HOMER2: variants seen among roughly 807,000 people sequenced by gnomAD.
HOMER2 encodes homer scaffold protein 2.
HOMER2 carries 27 observed loss-of-function variants against 47.0 expected under a neutral mutation model. The ratio of observed to expected loss-of-function variants is 0.57; its 90% CI spans 0.42 to 0.79. The LOEUF (loss-of-function observed/expected upper bound fraction) is 0.79, where lower values mean the gene tolerates loss of function less well. HOMER2 is among the 30% of genes least tolerant of loss of function. HOMER2 has a pLI of 0.00. For synonymous variants in HOMER2, 161 were observed against 163.8 expected (o/e 0.98, Z 0.13); for missense variants, 443 against 435.0 (o/e 1.02, Z -0.16).
intron 2 of HOMER2, among the ~76,000 whole-genome samples, chr15:82,891,330 G>A (rs2052698021): frequency 1.3e-5 from 2 of 152,246 alleles, no homozygotes; most frequent in South Asian, 4.1e-4. Context: ...GGACTTCTGG[G>A]GTCCCTTCCT....
intron 4 of HOMER2, among the ~76,000 whole-genome samples, chr15:82,860,003 T>TGC (rs1379617173): frequency 2.2e-4 from 33 of 151,976 alleles, no homozygotes; most frequent in Non-Finnish European, 3.7e-4. Context: ...ATCCCAGCAC[T>TGC]TTGGGAGGCT....
intron 6 of HOMER2, among the ~76,000 whole-genome samples, chr15:82,853,724 A>C (rs1348053054): frequency 6.6e-6 from 1 of 152,184 alleles, no homozygotes; most frequent in Admixed American, 6.5e-5. Context: ...AAAGCACCTT[A>C]TGAACTAGAG....
intron 1 of HOMER2, among the ~76,000 whole-genome samples, chr15:82,908,561 G>A (rs904914424): frequency 2.6e-5 from 4 of 152,080 alleles, no homozygotes; most frequent in African/African-American, 9.7e-5. Flanking sequence ...CAACCCATCT[G>A]CTTTTTGTTC....
chr15:82,892,632 T>A lies in HOMER2; in HGVS notation c.162+53A>T, dbSNP rs2052749272. ...AAGACGGCAGGATTTTGGGTGCATC[T>A]TGGATGAAAGATAAGCAACTGGGAG... On this transcript the variant is annotated intron_variant, in intron 2 of 8. Transcript: ENST00000450735. The A allele has an allele frequency of 6.4e-6, 9 of 1,397,392 alleles. No individual in the cohort carries two copies. The South Asian group carries it at 1.7e-4, about 27-fold the overall frequency. The allele number at this position is 1,397,392 out of a possible 1,614,324, so 86.6% of individuals were successfully genotyped here.
chr15:82,868,541 A>ATATATTTTT, intron 3 of HOMER2, among the ~76,000 whole-genome samples: 3 of 71,286 alleles, frequency 4.2e-5, no homozygotes, highest in Non-Finnish European at 8.5e-5. Context: ...ATATATATAT[A>ATATATTTTT]TTTTTTTTTT....
At position 82,913,433 on chromosome 15, in the gene HOMER2, C is replaced by T. The variant is rs1797912131; in HGVS notation, c.6-20592G>A. Among the ~76,000 whole-genome samples the T allele has an allele frequency of 6.6e-6, 1 of 152,154 alleles. No homozygotes were observed. The highest frequency in any genetic ancestry group is 1.5e-5 in the Non-Finnish European group (1 of 68,020). ...ACTTCTCTTCTGCATCTGGAAACCCCATGCAGTTCCTAACCAATGGTGCCT... is the reference window on the plus strand; with the variant it reads ...ACTTCTCTTCTGCATCTGGAAACCCTATGCAGTTCCTAACCAATGGTGCCT... On this transcript the variant is annotated intron_variant, in intron 1 of 8. Coordinates refer to ENST00000450735, the MANE Select transcript of HOMER2 (RefSeq NM_004839.4). This position sits in a 1 kb window ranked among gnomAD's most constrained non-coding sequence, Gnocchi z 4.1.
intron 1 of HOMER2, among the ~76,000 whole-genome samples, chr15:82,977,111 C>T (rs2030233860): frequency 1.3e-5 from 2 of 151,918 alleles, no homozygotes; most frequent in South Asian, 4.1e-4. Flanking sequence ...ACAAATATTA[C>T]ATAAATGATC....
At chr15:82,847,828 C>G (rs1175816736), downstream of HOMER2, among the ~76,000 whole-genome samples, 1 of 152,168 alleles carries the variant, frequency 6.6e-6, no homozygotes, top group Non-Finnish European at 1.5e-5. Context: ...CCCCTTATCC[C>G]GCTGCTGGGC....
chr15:82,872,524 T>C (rs1041899321), intron 3 of HOMER2, among the ~76,000 whole-genome samples: 2 of 152,244 alleles, frequency 1.3e-5, no homozygotes, highest in East Asian at 1.9e-4. Flanking sequence ...ATTTTCCTTC[T>C]GGTCTTAAAA....
chr15:82,934,507 T>G (rs960008956), intron 1 of HOMER2, among the ~76,000 whole-genome samples: 1 of 151,928 alleles, frequency 6.6e-6, no homozygotes, highest in African/African-American at 2.4e-5. Flanking sequence ...TCCTCCCAGT[T>G]CCCCGCACAT....
chr15:82,857,108 G>C (rs564615377), intron 5 of HOMER2, among the ~76,000 whole-genome samples: 75 of 151,400 alleles, frequency 5.0e-4, no homozygotes, highest in African/African-American at 1.6e-3. Flanking sequence ...CTTAGGAGGC[G>C]GGGGGGCGGG....
At chr15:82,840,200 T>C (rs2051162632) in exon 2 of HOMER2, 1 of 151,980 alleles carries the variant, frequency 6.6e-6, no homozygotes, top group East Asian at 1.9e-4. Context: ...TAAAATGGCA[T>C]GTAACTTAAG....
intron 1 of HOMER2, among the ~76,000 whole-genome samples, chr15:82,982,542 G>A (rs2030429701): frequency 6.6e-6 from 1 of 152,252 alleles, no homozygotes; most frequent in East Asian, 1.9e-4. Context: ...TACCAGTTGA[G>A]TATCCCTACT....
At chr15:82,955,402 C>A (rs2054578540), upstream of HOMER2, among the ~76,000 whole-genome samples, 1 of 152,000 alleles carries the variant, frequency 6.6e-6, no homozygotes, top group East Asian at 2.0e-4. Context: ...ATCTCCAGAC[C>A]TTGTGATCCG....
rs368535685 is a variant in HOMER2 at position 82,875,372 on chromosome 15, C to A, written c.195G>T (p.Met65Ile). ...ACTTCTGTGACGTTTTGGTGAAGGT[C>A]ATATTCGGTGTGATTGTGCTGTTTA... ...VIINSTITPN[M>I]TFTKTSQKFG... is the part of the protein sequence containing the mutation. The change falls in exon 3 of 9, where the codon ATG (methionine) becomes ATT (isoleucine). Residue 65 changes from methionine to isoleucine, a missense_variant. Physicochemically the swap from Met to Ile is conservative, Grantham distance 10. Coordinates refer to ENST00000450735, the MANE Select transcript of HOMER2 (RefSeq NM_004839.4). The A allele has an allele frequency of 6.2e-7, 1 of 1,613,854 alleles. No homozygotes were observed. The highest frequency in any genetic ancestry group is 8.5e-7 in the Non-Finnish European group (1 of 1,179,892).
downstream of HOMER2, among the ~76,000 whole-genome samples, chr15:82,847,610 G>A (rs1236460769): frequency 6.6e-6 from 1 of 152,228 alleles, no homozygotes; most frequent in Admixed American, 6.5e-5. Context: ...CTATCAGAAT[G>A]TACAAGTGGC....
chr15:82,864,071 T>C, intron 4 of HOMER2, 96 bp downstream of exon 4: 2 of 699,414 alleles, frequency 2.9e-6, no homozygotes, highest in South Asian at 1.9e-5. Flanking sequence ...AAATGACCTA[T>C]TGTCAAAATT....
intron 1 of HOMER2, among the ~76,000 whole-genome samples, chr15:82,933,479 T>A (rs2054067134): frequency 6.6e-6 from 1 of 152,086 alleles, no homozygotes; most frequent in Non-Finnish European, 1.5e-5. Context: ...ACTTGTGGCT[T>A]CAAGCAATCC....
intron 2 of HOMER2, among the ~76,000 whole-genome samples, chr15:82,881,270 C>G (rs1567031904): frequency 2.0e-5 from 3 of 152,244 alleles, no homozygotes; most frequent in African/African-American, 4.8e-5. Flanking sequence ...CAGCAAAATG[C>G]TAAGTTTCTC....
Sources: gnomAD v4.1 joint callset for allele counts (sites outside exome capture counted in the v4.1 genomes callset) on GRCh38, gnomAD v4.1.1 for gene constraint, Gnocchi (gnomAD v3.1) non-coding constraint, MANE v1.5 for transcripts, NCBI Gene and HGNC (gene_info 2026-07-23, HGNC 2026-07-21) for gene names.